GPR137B: variants seen among roughly 807,000 people sequenced by gnomAD.
The protein encoded by GPR137B is G protein-coupled receptor 137B.
GPR137B carries 42 observed loss-of-function variants against 42.5 expected under a neutral mutation model. That is an observed-to-expected ratio of 0.99 (90% CI 0.77 to 1.28). The LOEUF (loss-of-function observed/expected upper bound fraction) is 1.28, where lower values mean the gene tolerates loss of function less well. Among genes scored for constraint, GPR137B ranks in the 50% most tolerant of loss-of-function variants. The pLI is 0.00. For synonymous variants in GPR137B, 218 were observed against 209.7 expected (o/e 1.04, Z -0.34); for missense variants, 487 against 493.9 (o/e 0.99, Z 0.13).
chr1:236,158,626 T>C (rs1031812240), intron 1 of GPR137B, among the ~76,000 whole-genome samples: 1 of 152,234 alleles, frequency 6.6e-6, no homozygotes, highest in Non-Finnish European at 1.5e-5. Flanking sequence ...TGATAGAGAC[T>C]GGTTTCTTTA....
chr1:236,179,821 G>T (rs971568966), intron 3 of GPR137B, 58 bp from the exon 4 acceptor site: 3 of 1,312,202 alleles, frequency 2.3e-6, no homozygotes, highest in Non-Finnish European at 3.1e-6. Context: ...GGGGGCTGGG[G>T]AAGGGGCTGG....
rs1424555637 is a variant in GPR137B, at chr1:236,155,387, G to A, written c.414+12351G>A. On this transcript the variant is annotated intron_variant, in intron 1 of 6. Transcript: ENST00000366592. This position sits in a 1 kb window ranked among gnomAD's most constrained non-coding sequence, Gnocchi z 4.6. ...ATGGAGCTAACCAGGAACCAACAAAGTAGGTTCCTGAGGGTTGACCAGCCT... is the reference window on the plus strand; with the variant it reads ...ATGGAGCTAACCAGGAACCAACAAAATAGGTTCCTGAGGGTTGACCAGCCT... Among the ~76,000 whole-genome samples the A allele has an allele frequency of 6.6e-6, 1 of 152,218 alleles. No individual in the cohort carries two copies. The highest frequency in any genetic ancestry group is 1.5e-5 in the Non-Finnish European group (1 of 68,036).
At chr1:236,161,985 T>C (rs1662217549) in intron 1 of GPR137B, among the ~76,000 whole-genome samples, 1 of 151,670 alleles carries the variant, frequency 6.6e-6, no homozygotes, top group Admixed American at 6.6e-5. Context: ...TGGAACTGGG[T>C]AACAGACAGA....
intron 5 of GPR137B, among the ~76,000 whole-genome samples, chr1:236,188,490 T>G (rs565166760): frequency 6.6e-6 from 1 of 152,270 alleles, no homozygotes; most frequent in East Asian, 1.9e-4. Context: ...TGAGATACAT[T>G]CCATCGATAC....
chr1:236,151,418 AT>A (rs60574023), intron 1 of GPR137B, among the ~76,000 whole-genome samples: 5,536 of 72,390 alleles, frequency 0.076, 72 homozygotes, highest in African/African-American at 0.18. Context: ...TTGCATATTC[AT>A]TTTTTTTTTT....
At chr1:236,189,354 T>C (rs1663123571) in intron 5 of GPR137B, among the ~76,000 whole-genome samples, 1 of 152,020 alleles carries the variant, frequency 6.6e-6, no homozygotes, top group Non-Finnish European at 1.5e-5. Context: ...TTATTTCTTC[T>C]GCTAGCTTTT....
chr1:236,208,031 A>G lies in GPR137B; in HGVS notation c.1092-19A>G. 1 of 1,577,440 alleles carries G rather than the reference A, an allele frequency of 6.3e-7. No homozygotes were observed. The highest frequency in any genetic ancestry group is 8.7e-7 in the Non-Finnish European group (1 of 1,147,980). ...CTATATAATGTTTCAAGTCACTGAA[A>G]TATTTTTTTCTTTTTAAGTTTTGCT... On this transcript the variant is annotated intron_variant, in intron 6 of 6. Coordinates refer to ENST00000366592, the MANE Select transcript of GPR137B (RefSeq NM_003272.4).
At chr1:236,164,945 C>G (rs572570357) in intron 1 of GPR137B, among the ~76,000 whole-genome samples, 8 of 151,886 alleles carry the variant, frequency 5.3e-5, no homozygotes, top group Non-Finnish European at 1.0e-4. Context: ...GCTCTTGTTG[C>G]CCAGGCTGGA....
intron 5 of GPR137B, among the ~76,000 whole-genome samples, chr1:236,191,389 G>A (rs973524198): frequency 2.0e-5 from 3 of 152,112 alleles, no homozygotes; most frequent in African/African-American, 4.8e-5. Context: ...CCTTGCTGGC[G>A]AGGAGTTGTG....
intron 5 of GPR137B, among the ~76,000 whole-genome samples, chr1:236,184,391 G>C (rs1662963309): frequency 6.6e-6 from 1 of 152,184 alleles, no homozygotes; most frequent in South Asian, 2.1e-4. Flanking sequence ...CCCTAGTTTG[G>C]TCACATTGCT....
chr1:236,146,410 G>A lies in GPR137B; in HGVS notation c.414+3374G>A, dbSNP rs113172048. Among the ~76,000 whole-genome samples the A allele has an allele frequency of 3.1e-3, 465 of 152,268 alleles. 1 individual carries two copies. Among genetic ancestry groups the A allele is most frequent in the Non-Finnish European group, 5.0e-3 (342 of 68,016 alleles). ...GAGAGGATGGTGGGAAGGAAGTCGT[G>A]GGGGCAGTTTGGGAATTGGGAATGA... On this transcript the variant is annotated intron_variant, in intron 1 of 6. Coordinates refer to ENST00000366592, the MANE Select transcript of GPR137B (RefSeq NM_003272.4).
At chr1:236,152,284 A>G (rs989120271) in intron 1 of GPR137B, among the ~76,000 whole-genome samples, 3 of 151,794 alleles carry the variant, frequency 2.0e-5, no homozygotes, top group African/African-American at 7.3e-5. Flanking sequence ...CAATATAGTG[A>G]GATCTCATCT....
In GPR137B at chr1:236,208,611, G is replaced by C. The variant is rs922295896; in HGVS notation, c.*453G>C. On this transcript the variant is annotated 3_prime_UTR_variant, in exon 7 of 7. Transcript: ENST00000366592. ...AATCTTACCTCTTTAGGTCACTGAT[G>C]GTCACTCCGATTCTGAGTGCCACAT... The C allele has an allele frequency of 1.2e-5, 12 of 983,670 alleles. No homozygotes were observed. The highest frequency in any genetic ancestry group is 1.3e-5 in the Non-Finnish European group (11 of 828,098). 60.9% of individuals were successfully genotyped at this position (983,670 alleles called of 1,614,324 possible). A position where few individuals can be genotyped will look rare whatever the true frequency, so the allele number is the denominator to read the frequency against.
rs954789045 is a variant in GPR137B at position 236,142,804 on chromosome 1, A to G, written c.182A>G (p.Tyr61Cys). ...TACGCGCTGCTCTTCGTGTTCATCT[A>G]CGTGCAGCTCTGGCTGGTGCTGCGT... is the stretch of plus-strand genomic sequence containing the variant. ...VFYALLFVFI[Y>C]VQLWLVLRYR... The change falls in exon 1 of 7, where the codon TAC (tyrosine) becomes TGC (cysteine). Residue 61 changes from tyrosine to cysteine, a missense_variant. Physicochemically the swap from Tyr to Cys is radical, Grantham distance 194. Transcript: ENST00000366592. 4 of 1,614,008 alleles carry G rather than the reference A, an allele frequency of 2.5e-6. No homozygotes were observed. Among genetic ancestry groups the G allele is most frequent in the Non-Finnish European group, 2.5e-6 (3 of 1,179,950 alleles).
At chr1:236,190,738 G>C (rs1663171425) in intron 5 of GPR137B, among the ~76,000 whole-genome samples, 1 of 152,126 alleles carries the variant, frequency 6.6e-6, no homozygotes, top group African/African-American at 2.4e-5. Flanking sequence ...TGGGTAACCC[G>C]ACCTTTCTGT....
Position 236,208,145 on chromosome 1 carries a change from C to G in GPR137B, c.1187C>G (p.Pro396Arg). 6.2e-7 allele frequency: 1 copy of G among 1,613,726 alleles called. No homozygotes were observed. The stretch of plus-strand genomic sequence containing the variant: ...GACTCAACTTTGGATCCTGACAAAC[C>G]AAGCCTTGGGTAGCATCAGTTAACA... ...LQDSTLDPDKPSLG is the reference protein window; with the variant it reads ...LQDSTLDPDKRSLG The change falls in exon 7 of 7, where the codon CCA (proline) becomes CGA (arginine). Residue 396 changes from proline (P) to arginine (R), a missense_variant. Pro to Arg is a moderately radical substitution (Grantham distance 103). Coordinates refer to ENST00000366592, the MANE Select transcript of GPR137B (RefSeq NM_003272.4).
intron 2 of GPR137B, among the ~76,000 whole-genome samples, chr1:236,173,756 A>G (rs950770672): frequency 4.3e-5 from 6 of 139,848 alleles, no homozygotes; most frequent in African/African-American, 1.8e-4. Flanking sequence ...GCAGTGTACA[A>G]AATTCTTTCT....
intron 5 of GPR137B, among the ~76,000 whole-genome samples, chr1:236,201,629 T>C (rs759720502): frequency 3.3e-5 from 5 of 152,116 alleles, no homozygotes; most frequent in Non-Finnish European, 7.3e-5. Context: ...TTTTTTATTA[T>C]ATCTGTTTCT....
At chr1:236,205,007 T>C in intron 5 of GPR137B, 119 bp from the exon 6 acceptor site, 3 of 813,912 alleles carry the variant, frequency 3.7e-6, no homozygotes, top group Non-Finnish European at 6.0e-6. Flanking sequence ...GCTGAACAGA[T>C]ATAGCCTACA....
Sources: gnomAD v4.1 joint callset for allele counts (sites outside exome capture counted in the v4.1 genomes callset) on GRCh38, gnomAD v4.1.1 for gene constraint, Gnocchi (gnomAD v3.1) non-coding constraint, MANE v1.5 for transcripts, NCBI Gene and HGNC (gene_info 2026-07-23, HGNC 2026-07-21) for gene names.